CTNNA1: variants seen among roughly 807,000 people sequenced by gnomAD.
CTNNA1 encodes catenin alpha-1.
A neutral mutation model predicts 98.4 loss-of-function variants in CTNNA1; 37 were observed. The observed-to-expected ratio is 0.38, with a 90% CI of 0.29 to 0.49. The LOEUF (loss-of-function observed/expected upper bound fraction) is 0.49. Ranked by LOEUF, CTNNA1 falls within the 20% of genes least tolerant of loss-of-function variation. CTNNA1 has a pLI of 0.95. For missense variants in CTNNA1, 761 were observed against 1,147.2 expected (o/e 0.66, Z 4.86); for synonymous variants, 404 against 413.2 (o/e 0.98, Z 0.27).
intron 1 of CTNNA1, among the ~76,000 whole-genome samples, chr5:138,759,037 A>G (rs1312195287): frequency 2.3e-4 from 35 of 152,208 alleles, no homozygotes; most frequent in Admixed American, 2.2e-3. Context: ...TCCTGACCTC[A>G]GGTGATCAGC....
chr5:138,860,377 A>AT (rs922733048), intron 7 of CTNNA1, among the ~76,000 whole-genome samples: 3 of 151,980 alleles, frequency 2.0e-5, no homozygotes, highest in Non-Finnish European at 4.4e-5. Context: ...ATGCACTGTA[A>AT]TTTTTTTTGA....
intron 7 of CTNNA1, among the ~76,000 whole-genome samples, chr5:138,864,282 G>GT (rs763290509): frequency 5.0e-4 from 76 of 152,204 alleles, no homozygotes; most frequent in Admixed American, 1.1e-3. Flanking sequence ...GTCTCACTGT[G>GT]TTGCCCACCA....
chr5:138,867,123 G>C (rs577924231), intron 7 of CTNNA1, among the ~76,000 whole-genome samples: 1 of 152,224 alleles, frequency 6.6e-6, no homozygotes, highest in Non-Finnish European at 1.5e-5. Context: ...TCAAGTATAG[G>C]AATGTGTTCC....
At chr5:138,882,534 T>C (rs1430105481) in intron 7 of CTNNA1, among the ~76,000 whole-genome samples, 2 of 152,200 alleles carry the variant, frequency 1.3e-5, no homozygotes, top group Non-Finnish European at 2.9e-5. Flanking sequence ...ATGATATTTG[T>C]TTCGTGCAGT....
intron 9 of CTNNA1, among the ~76,000 whole-genome samples, chr5:138,893,401 G>A (rs761067733): frequency 2.0e-5 from 3 of 151,896 alleles, no homozygotes; most frequent in Non-Finnish European, 4.4e-5. Context: ...GTGGGTGTTT[G>A]GCTCTTATGT....
At chr5:138,790,900 C>T (rs2149677934) in intron 3 of CTNNA1, 1 of 152,310 alleles carries the variant, frequency 6.6e-6, no homozygotes, top group East Asian at 1.9e-4. Context: ...AGTCACCTCT[C>T]ATGTATGTGT....
At chr5:138,761,030 C>G (rs1199052424) in intron 1 of CTNNA1, among the ~76,000 whole-genome samples, 1 of 152,168 alleles carries the variant, frequency 6.6e-6, no homozygotes, top group African/African-American at 2.4e-5. Flanking sequence ...CGTTCCTTGT[C>G]AGGGATGTTA....
At chr5:138,790,003 A>G (rs1486464051) in intron 3 of CTNNA1, among the ~76,000 whole-genome samples, 2 of 152,168 alleles carry the variant, frequency 1.3e-5, no homozygotes, top group African/African-American at 4.8e-5. Context: ...TCTGGGCAAT[A>G]CAGAATATGA....
intron 11 of CTNNA1, among the ~76,000 whole-genome samples, chr5:138,923,247 A>G (rs939972835): frequency 6.6e-6 from 1 of 152,198 alleles, no homozygotes; most frequent in East Asian, 1.9e-4. Flanking sequence ...AGCTTGAATT[A>G]TTAGAGTTTA....
chr5:138,899,877 T>A (rs1457011990), intron 9 of CTNNA1, among the ~76,000 whole-genome samples: 1 of 152,242 alleles, frequency 6.6e-6, no homozygotes, highest in Non-Finnish European at 1.5e-5. Context: ...AGTGTACAAT[T>A]CAGATTTTGG....
At chr5:138,881,151 C>T (rs1341163289) in intron 7 of CTNNA1, 1 of 455,220 alleles carries the variant, frequency 2.2e-6, no homozygotes, top group Admixed American at 2.4e-5. Context: ...AGACTGTCCT[C>T]CTTGAGAGCT....
At chr5:138,846,072 G>A (rs1445945365) in intron 7 of CTNNA1, among the ~76,000 whole-genome samples, 4 of 152,058 alleles carry the variant, frequency 2.6e-5, no homozygotes, top group East Asian at 1.9e-4. Flanking sequence ...GATTACAAGC[G>A]CCCACCACCA....
chr5:138,881,560 A>C (rs1752913043), intron 7 of CTNNA1, among the ~76,000 whole-genome samples: 1 of 152,144 alleles, frequency 6.6e-6, no homozygotes, highest in Non-Finnish European at 1.5e-5. Context: ...ATTCTCTTTA[A>C]AGTTCTCTTT....
intron 1 of CTNNA1, among the ~76,000 whole-genome samples, chr5:138,766,868 G>A (rs1401971629): frequency 6.6e-6 from 1 of 152,130 alleles, no homozygotes; most frequent in African/African-American, 2.4e-5. Context: ...AACGGGAAGA[G>A]GTGGGGTTTG....
chr5:138,761,366 C>G (rs1752347741), intron 1 of CTNNA1, among the ~76,000 whole-genome samples: 1 of 152,058 alleles, frequency 6.6e-6, no homozygotes, highest in South Asian at 2.1e-4. Flanking sequence ...TCCTGAGTAG[C>G]TGGGATTTGC....
At chr5:138,927,078 C>G (rs1188126687) in intron 13 of CTNNA1, among the ~76,000 whole-genome samples, 1 of 152,186 alleles carries the variant, frequency 6.6e-6, no homozygotes, top group Non-Finnish European at 1.5e-5. Context: ...CATGTTCTCA[C>G]CCTCGTCTAA....
At chr5:138,784,923 C>G (rs952294360) in intron 3 of CTNNA1, among the ~76,000 whole-genome samples, 3 of 152,128 alleles carry the variant, frequency 2.0e-5, no homozygotes, top group Non-Finnish European at 2.9e-5. Flanking sequence ...CCACCTTAAT[C>G]CAGTATAACC....
chr5:138,758,888 C>T (rs577465285), intron 1 of CTNNA1, among the ~76,000 whole-genome samples: 1 of 151,964 alleles, frequency 6.6e-6, no homozygotes, highest in South Asian at 2.1e-4. Context: ...GCTCACTGCA[C>T]TGCCTCCTGG....
At chr5:138,877,359 G>C (rs934780907) in intron 7 of CTNNA1, among the ~76,000 whole-genome samples, 17 of 152,112 alleles carry the variant, frequency 1.1e-4, no homozygotes, top group Non-Finnish European at 2.4e-4. Flanking sequence ...TCTCACCCTA[G>C]GTTTCAGAGC....
Sources: gnomAD v4.1 joint callset for allele counts (sites outside exome capture counted in the v4.1 genomes callset) on GRCh38, gnomAD v4.1.1 for gene constraint, MANE v1.5 for transcripts, NCBI Gene and HGNC (gene_info 2026-07-23, HGNC 2026-07-21) for gene names.